The following TDP1 variants were observed in gnomAD, a reference collection of about 807,000 sequenced individuals.
TDP1 encodes the protein tyr-DNA phosphodiesterase 1.
TDP1 carries 64 observed loss-of-function variants against 81.5 expected under a neutral mutation model. The ratio of observed to expected loss-of-function variants is 0.79; its 90% CI spans 0.64 to 0.97. TDP1 has a LOEUF of 0.97. Ranked by LOEUF, TDP1 falls within the 50% of genes least tolerant of loss-of-function variation. TDP1 has a pLI of 0.00. For missense variants in TDP1, 723 were observed against 743.8 expected (o/e 0.97, Z 0.33); for synonymous variants, 256 against 264.3 (o/e 0.97, Z 0.30).
intron 14 of TDP1, among the ~76,000 whole-genome samples, chr14:90,005,612 T>C (rs1445581798): frequency 6.6e-6 from 1 of 152,088 alleles, no homozygotes; most frequent in Admixed American, 6.5e-5. Context: ...TAAGTCCTTA[T>C]TATAAGTGAA....
chr14:90,009,708 G>T (rs372961093), intron 14 of TDP1, among the ~76,000 whole-genome samples: 4 of 152,222 alleles, frequency 2.6e-5, no homozygotes, highest in Non-Finnish European at 5.9e-5. Context: ...AGATATGACT[G>T]TGCATTTGTA....
chr14:90,006,847 G>T (rs1884088061), intron 14 of TDP1, among the ~76,000 whole-genome samples: 1 of 151,852 alleles, frequency 6.6e-6, no homozygotes, highest in African/African-American at 2.4e-5. Context: ...CCCATGCCTG[G>T]CTAATTTTTG....
chr14:90,038,753 A>G lies in TDP1; in HGVS notation c.1754-4317A>G, dbSNP rs536185275. 1.1e-3 allele frequency among the ~76,000 whole-genome samples: 168 copies of G among 152,156 alleles called. 1 individual carries two copies. Among genetic ancestry groups the G allele is most frequent in the Non-Finnish European group, 2.2e-3 (151 of 68,018 alleles). On this transcript the variant is annotated intron_variant, in intron 16 of 16. Transcript: ENST00000335725. ...CTTGGGTGGCTGAGACAGGAGAATC[A>G]CTTGAACCTGGGAGGTGGAGGTTGC...
intron 7 of TDP1, among the ~76,000 whole-genome samples, chr14:89,979,522 T>A (rs1894740818): frequency 1.3e-5 from 2 of 152,170 alleles, no homozygotes; most frequent in South Asian, 4.1e-4. Context: ...TTGGCAAGCC[T>A]GGTCTCAAAC....
chr14:89,987,453 G>T (rs1402964670), intron 10 of TDP1, among the ~76,000 whole-genome samples: 1 of 152,226 alleles, frequency 6.6e-6, no homozygotes, highest in Non-Finnish European at 1.5e-5. Context: ...CAGGCTTCCT[G>T]TCTTAAGGAT....
intron 14 of TDP1, among the ~76,000 whole-genome samples, chr14:90,006,626 T>C (rs1185913713): frequency 6.6e-6 from 1 of 152,150 alleles, no homozygotes; most frequent in African/African-American, 2.4e-5. Context: ...AACCTCCACC[T>C]CCTGGGTTCA....
At chr14:89,967,345 A>G in intron 4 of TDP1, 22 bp from the exon 5 acceptor site, 1 of 1,611,834 alleles carries the variant, frequency 6.2e-7, no homozygotes. Flanking sequence ...TGGCTTAGTT[A>G]CTCTTCTTTT....
intron 14 of TDP1, among the ~76,000 whole-genome samples, chr14:90,002,427 T>C (rs1028053776): frequency 6.6e-6 from 1 of 152,220 alleles, no homozygotes; most frequent in Admixed American, 6.5e-5. Context: ...TTGTTTCCTA[T>C]TAAACAGTAT....
chr14:89,959,413 AG>A (rs1357472429), intron 2 of TDP1, among the ~76,000 whole-genome samples: 2 of 152,214 alleles, frequency 1.3e-5, no homozygotes, highest in African/African-American at 2.4e-5. Context: ...CCAAAGTAAA[AG>A]TTTGATATTG....
At chr14:89,965,442 A>C (rs1892826150) in intron 3 of TDP1, among the ~76,000 whole-genome samples, 1 of 152,178 alleles carries the variant, frequency 6.6e-6, no homozygotes, top group Admixed American at 6.5e-5. Flanking sequence ...AATGGATATG[A>C]GGAGTAAGTA....
At chr14:90,001,652 A>G (rs1392079988) in intron 14 of TDP1, among the ~76,000 whole-genome samples, 1 of 152,178 alleles carries the variant, frequency 6.6e-6, no homozygotes, top group Non-Finnish European at 1.5e-5. Flanking sequence ...ATCTAAATGC[A>G]GTTTATTTTC....
At chr14:90,027,100 C>T (rs890024603) in intron 15 of TDP1, among the ~76,000 whole-genome samples, 1 of 151,844 alleles carries the variant, frequency 6.6e-6, no homozygotes, top group African/African-American at 2.4e-5. Context: ...TTCCTATTTC[C>T]CCACATCCTC....
intron 14 of TDP1, among the ~76,000 whole-genome samples, chr14:90,012,428 C>G (rs1223567416): frequency 6.6e-6 from 1 of 151,754 alleles, no homozygotes; most frequent in Non-Finnish European, 1.5e-5. Flanking sequence ...TGTGGGGCCT[C>G]CGACCCCATA....
At chr14:89,980,099 A>T in intron 7 of TDP1, 1 of 932,110 alleles carries the variant, frequency 1.1e-6, no homozygotes, top group Non-Finnish European at 1.3e-6. Flanking sequence ...TTCATGAACC[A>T]GTAATTAAAT....
chr14:89,985,019 T>C (rs1895398933), intron 9 of TDP1, 113 bp from the exon 10 acceptor site: 2 of 1,331,056 alleles, frequency 1.5e-6, no homozygotes, highest in Non-Finnish European at 2.1e-6. Context: ...GAAAATGGAT[T>C]GGCTCTTAGA....
At chr14:90,035,612 C>T (rs1012500970) in intron 16 of TDP1, among the ~76,000 whole-genome samples, 3 of 152,112 alleles carry the variant, frequency 2.0e-5, no homozygotes, top group African/African-American at 7.2e-5. Context: ...TGAGTATCTA[C>T]CTTATAGGGT....
At chr14:89,986,310 G>A (rs569886990) in intron 10 of TDP1, among the ~76,000 whole-genome samples, 2 of 152,256 alleles carry the variant, frequency 1.3e-5, no homozygotes, top group South Asian at 2.1e-4. Flanking sequence ...GTGTGACCTC[G>A]ACTTGTTCCT....
At chr14:90,037,095 A>T (rs1887896206) in intron 16 of TDP1, among the ~76,000 whole-genome samples, 1 of 152,170 alleles carries the variant, frequency 6.6e-6, no homozygotes, top group Admixed American at 6.5e-5. Flanking sequence ...TACAAATGAG[A>T]GCCACCACAC....
intron 15 of TDP1, among the ~76,000 whole-genome samples, chr14:90,026,967 A>G (rs2140298659): frequency 6.6e-6 from 1 of 152,318 alleles, no homozygotes; most frequent in Middle Eastern, 3.4e-3. Context: ...TCCTTTGGGT[A>G]TATACCCAGT....
Sources: gnomAD v4.1 joint callset for allele counts (sites outside exome capture counted in the v4.1 genomes callset) on GRCh38, gnomAD v4.1.1 for gene constraint, MANE v1.5 for transcripts, NCBI Gene and HGNC (gene_info 2026-07-23, HGNC 2026-07-21) for gene names.